NEURL4: variants seen among roughly 807,000 people sequenced by gnomAD.
NEURL4 encodes the protein neuralized E3 ubiquitin protein ligase 4.
NEURL4 carries 45 observed loss-of-function variants against 148.0 expected under a neutral mutation model. The observed-to-expected ratio is 0.30, with a 90% CI of 0.24 to 0.39. NEURL4 has a LOEUF of 0.39. Ranked by LOEUF, NEURL4 falls within the 10% of genes least tolerant of loss-of-function variation. The probability of loss-of-function intolerance (pLI) is 1.00; values close to 1 mark genes in which losing one functional copy is unlikely to be tolerated. For missense variants in NEURL4, 1,776 were observed against 2,144.0 expected, an observed-to-expected ratio of 0.83 and a Z score of 3.39; for synonymous variants, 854 against 869.0, an observed-to-expected ratio of 0.98 and a Z score of 0.30.
intron 6 of NEURL4, among the ~76,000 whole-genome samples, chr17:7,325,939 C>T (rs1214090180): frequency 1.3e-5 from 2 of 152,202 alleles, no homozygotes; most frequent in Non-Finnish European, 2.9e-5. Flanking sequence ...CTACAAGTCT[C>T]AGCCTATGGA....
chr17:7,329,203 C>T lies in NEURL4; in HGVS notation c.110G>A (p.Gly37Asp), dbSNP rs570547511. 6.4e-7 allele frequency: 1 copy of T among 1,571,308 alleles called. No homozygotes were observed. The highest frequency in any genetic ancestry group is 1.2e-5 in the South Asian group (1 of 86,904). ...GTGCAGTTCCCCGCCGCTGCCCAGA[C>T]CCCCGTTGGACCCCGGTCCTGAGCC... is the stretch of plus-strand genomic sequence containing the variant. ...GSGSGPGSNG[G>D]LGSGGELHPR... Residue 37 changes from glycine (G) to aspartate (D), a missense_variant, in exon 1 of 29, where the codon GGT (glycine) becomes GAT (aspartate). Gly to Asp is a moderately conservative substitution (Grantham distance 94). Coordinates refer to ENST00000399464, the MANE Select transcript of NEURL4 (RefSeq NM_032442.3).
Position 7,324,136 on chromosome 17 carries a change from C to T in NEURL4, c.2034G>A (p.Ala678=), listed in dbSNP as rs201542962. The T allele has an allele frequency of 3.9e-4, 631 of 1,613,442 alleles. 3 individuals are homozygous for T. In the African/African-American group the frequency reaches 7.1e-3, roughly 18 times the overall value. The change falls in exon 11 of 29, where the codon GCG becomes GCA. Residue 678 remains alanine, a synonymous_variant. Coordinates refer to ENST00000399464, the MANE Select transcript of NEURL4 (RefSeq NM_032442.3). The surrounding 1 kb of genome is among the most constrained non-coding windows in gnomAD (Gnocchi z 5.9). ...VYAVVDLYGQ[A]AQATIVDDVE... is the part of the protein sequence containing the mutation. Reference sequence around the variant, plus strand: ...CGTCGTCCACAATGGTGGCCTGGGCCGCCTGGCCATAGAGATCGACGACAG... The same window carrying T: ...CGTCGTCCACAATGGTGGCCTGGGCTGCCTGGCCATAGAGATCGACGACAG...
In NEURL4 at chr17:7,323,465, C is replaced by T; in HGVS notation, c.2417+20G>A. The T allele has an allele frequency of 1.2e-6, 2 of 1,613,762 alleles. No homozygotes were observed. The highest frequency in any genetic ancestry group is 1.7e-6 in the Non-Finnish European group (2 of 1,179,632). The stretch of plus-strand genomic sequence containing the variant: ...AGCTCCACTCAGCCCCAAGCTGGTC[C>T]CCAAAGCAGGAAGCCCAACCTCAGC... On this transcript the variant is annotated intron_variant, in intron 14 of 28. Transcript: ENST00000399464.
At position 7,329,329 on chromosome 17, in the gene NEURL4, G is replaced by A; in HGVS notation, c.-17C>T. 7.3e-7 allele frequency: 1 copy of A among 1,378,388 alleles called. No individual in the cohort carries two copies. The highest frequency in any genetic ancestry group is 9.3e-7 in the Non-Finnish European group (1 of 1,073,494). 85.4% of individuals were successfully genotyped at this position (1,378,388 alleles called of 1,614,324 possible). ...TGCCGCCATCTCCGCTGACACCGGG[G>A]CAGCGCGACAGCCGCGCTTGGCGGC... is the stretch of plus-strand genomic sequence containing the variant. On this transcript the variant is annotated 5_prime_UTR_variant, in exon 1 of 29. Transcript: ENST00000399464.
At chr17:7,328,367 C>A (rs1238909430) in intron 1 of NEURL4, among the ~76,000 whole-genome samples, 1 of 152,224 alleles carries the variant, frequency 6.6e-6, no homozygotes, top group Non-Finnish European at 1.5e-5. Flanking sequence ...TTTCTCCTCA[C>A]CTATCTTTCT....
rs768973926 is a variant in NEURL4, at chr17:7,324,852, G to A, written c.1760C>T (p.Thr587Ile). The change falls in exon 9 of 29, where the codon ACC becomes ATC. Residue 587 changes from threonine (T) to isoleucine (I), a missense_variant. Physicochemically the swap from Thr to Ile is moderately conservative, Grantham distance 89. Transcript: ENST00000399464. This position sits in a 1 kb window ranked among gnomAD's most constrained non-coding sequence, Gnocchi z 5.9. ...WAGSIEIGVT[T>I]HNPAYLQLPS... ...CAACTGGAGGTAGGCAGGGTTGTGGGTGGTGACACCAATTTCAATGGAGCC... is the reference window on the plus strand; with the variant it reads ...CAACTGGAGGTAGGCAGGGTTGTGGATGGTGACACCAATTTCAATGGAGCC... The A allele has an allele frequency of 1.9e-6, 3 of 1,614,200 alleles. No homozygotes were observed. Among genetic ancestry groups the A allele is most frequent in the East Asian group, 2.2e-5 (1 of 44,882 alleles).
chr17:7,317,972 C>T (rs1339563121), intron 25 of NEURL4, 40 bp from the exon 26 acceptor site: 4 of 1,613,580 alleles, frequency 2.5e-6, no homozygotes, highest in Non-Finnish European at 3.4e-6. Context: ...CTGTGGCTCC[C>T]ACCTCAACCA....
chr17:7,323,621 C>A, intron 13 of NEURL4, 26 bp downstream of exon 13: 4 of 1,613,684 alleles, frequency 2.5e-6, no homozygotes, highest in Non-Finnish European at 2.5e-6. Context: ...ATCCAACAGC[C>A]CCCAACACAC....
chr17:7,322,737 G>C lies in NEURL4; in HGVS notation c.2723C>G (p.Pro908Arg). 6.2e-7 allele frequency: 1 copy of C among 1,611,378 alleles called. No individual in the cohort carries two copies. Residue 908 changes from proline (P) to arginine (R), a missense_variant and splice_region_variant, in exon 16 of 29, where the codon CCA becomes CGA. Physicochemically the swap from Pro to Arg is moderately radical, Grantham distance 103. Coordinates refer to ENST00000399464, the MANE Select transcript of NEURL4 (RefSeq NM_032442.3). The surrounding 1 kb of genome is among the most constrained non-coding windows in gnomAD (Gnocchi z 5.5). ...ATEKSFPLHS[P>R]VAGVAHRFHS... The stretch of plus-strand genomic sequence containing the variant: ...CAGCCCCCGCCCTGCTGCCGCACCT[G>C]GGGAGTGCAGTGGGAAGGACTTCTC...
Position 7,325,712 on chromosome 17 carries a change from T to A in NEURL4, c.1295A>T (p.Glu432Val). The A allele has an allele frequency of 6.2e-7, 1 of 1,613,242 alleles. No individual in the cohort carries two copies. The highest frequency in any genetic ancestry group is 8.5e-7 in the Non-Finnish European group (1 of 1,179,564). Reference protein sequence around the residue: ...YCEFSLDELQEGDHIGLTRKS... With the variant: ...YCEFSLDELQVGDHIGLTRKS... The stretch of plus-strand genomic sequence containing the variant: ...CCTTGTGAGGCCAATGTGGTCACCC[T>A]CCTAATCAAAGAAGACAAACAGTTT... Residue 432 changes from glutamate to valine, a missense_variant and splice_region_variant, in exon 7 of 29, where the codon GAG becomes GTG. Transcript: ENST00000399464.
In NEURL4 at chr17:7,326,104, G is replaced by A; in HGVS notation, c.1293+151C>T. ...CAAAATCTGAGTGCTGAACTCTTGGGCAACTCAGGCTTCTAGGAAGGAACC... is the reference window on the plus strand; with the variant it reads ...CAAAATCTGAGTGCTGAACTCTTGGACAACTCAGGCTTCTAGGAAGGAACC... On this transcript the variant is annotated intron_variant, in intron 6 of 28. Coordinates refer to ENST00000399464, the MANE Select transcript of NEURL4 (RefSeq NM_032442.3). This position sits in a 1 kb window ranked among gnomAD's most constrained non-coding sequence, Gnocchi z 6.0. The A allele has an allele frequency of 1.4e-6, 1 of 709,608 alleles. No individual in the cohort carries two copies. The highest frequency in any genetic ancestry group is 2.4e-6 in the Non-Finnish European group (1 of 417,476). The allele number at this position is 709,608 out of a possible 1,614,324, so 44.0% of individuals were successfully genotyped here. A position where few individuals can be genotyped will look rare whatever the true frequency, so the allele number is the denominator to read the frequency against.
intron 21 of NEURL4, among the ~76,000 whole-genome samples, chr17:7,320,077 G>A (rs947858027): frequency 2.0e-5 from 3 of 151,790 alleles, no homozygotes; most frequent in East Asian, 1.9e-4. Context: ...TGATCTGCCC[G>A]CCTCGGCCTT....
intron 1 of NEURL4, among the ~76,000 whole-genome samples, 191 bp downstream of exon 1, chr17:7,328,840 C>T (rs915973489): frequency 6.6e-6 from 1 of 152,172 alleles, no homozygotes; most frequent in Non-Finnish European, 1.5e-5. Flanking sequence ...AAAACTCAAG[C>T]TCTTAATGTC....
chr17:7,323,503 T>C lies in NEURL4; in HGVS notation c.2399A>G (p.Tyr800Cys), dbSNP rs372999558. 1.4e-4 allele frequency: 223 copies of C among 1,614,064 alleles called. No individual in the cohort carries two copies. Among genetic ancestry groups the C allele is most frequent in the Non-Finnish European group, 1.9e-4 (220 of 1,180,012 alleles). The change falls in exon 14 of 29, where the codon TAT becomes TGT. Residue 800 changes from tyrosine (Y) to cysteine (C), a missense_variant. Physicochemically the swap from Tyr to Cys is radical, Grantham distance 194. Coordinates refer to ENST00000399464, the MANE Select transcript of NEURL4 (RefSeq NM_032442.3). ...GCCCAACCTCAGCATCCATGTGTCA[T>C]AGTCAATGTCTGTCATGGTGTTGGG... is the stretch of plus-strand genomic sequence containing the variant. ...EFPNTMTDID[Y>C]DTWMLSGTAI...
In NEURL4 at chr17:7,326,441, C is replaced by T; in HGVS notation, c.1200G>A (p.Gln400=). The T allele has an allele frequency of 6.2e-7, 1 of 1,614,006 alleles. No individual in the cohort carries two copies. Among genetic ancestry groups the T allele is most frequent in the South Asian group, 1.1e-5 (1 of 91,080 alleles). ...LEYPATMTNL[Q]SGTIMMSGCG... Reference sequence around the variant, plus strand: ...GCCCCTGCCCGGGGCTGGTACCTGACTGGAGGTTGGTCATGGTGGCTGGGT... The same window carrying T: ...GCCCCTGCCCGGGGCTGGTACCTGATTGGAGGTTGGTCATGGTGGCTGGGT... The change falls in exon 5 of 29, where the codon CAG becomes CAA. Residue 400 remains glutamine (Q), a synonymous_variant. Coordinates refer to ENST00000399464, the MANE Select transcript of NEURL4 (RefSeq NM_032442.3). This position sits in a 1 kb window ranked among gnomAD's most constrained non-coding sequence, Gnocchi z 6.0.
At chr17:7,317,661 G>A in intron 26 of NEURL4, 88 bp from the exon 27 acceptor site, 2 of 1,564,132 alleles carry the variant, frequency 1.3e-6, no homozygotes, top group South Asian at 2.2e-5. Context: ...TAGACAGGAA[G>A]TCCCTGGCAC....
Position 7,317,372 on chromosome 17 carries a change from T to G in NEURL4, c.4319-2A>C. 1 of 1,582,816 alleles carries G rather than the reference T, an allele frequency of 6.3e-7. No homozygotes were observed. Among genetic ancestry groups the G allele is most frequent in the Non-Finnish European group, 8.6e-7 (1 of 1,162,502 alleles). On this transcript the variant is annotated splice_acceptor_variant, in intron 27 of 28. Transcript: ENST00000399464. LOFTEE classifies it high-confidence loss of function. ...GGCAGCTCAGGATGGAGGCAGTACC[T>G]GGGAGGAGAACTGGGTCAGGATAGC...
rs535754753 is a variant in NEURL4, at chr17:7,323,191, CCTGT to C, written c.2418-72_2418-69del. On this transcript the variant is annotated intron_variant, in intron 14 of 28. Coordinates refer to ENST00000399464, the MANE Select transcript of NEURL4 (RefSeq NM_032442.3). ...ACTTCACATTGGCCCCTGCCCACTC[CCTGT>C]CTGTCAGAACCCTCCAATGTCTTGG... 27 of 1,523,720 alleles carry C rather than the reference CCTGT, an allele frequency of 1.8e-5. No homozygotes were observed. In the African/African-American group the frequency reaches 2.0e-4, roughly 12 times the overall value. 94.4% of individuals were successfully genotyped at this position (1,523,720 alleles called of 1,614,324 possible). A position where few individuals can be genotyped will look rare whatever the true frequency, so the allele number is the denominator to read the frequency against.
intron 28 of NEURL4, among the ~76,000 whole-genome samples, chr17:7,316,541 T>A (rs2072948089): frequency 6.6e-6 from 1 of 152,170 alleles, no homozygotes; most frequent in South Asian, 2.1e-4. Context: ...CTCGAATCTC[T>A]CCCACCTTCT....
Sources: allele counts gnomAD v4.1 joint callset (sites outside exome capture counted in the v4.1 genomes callset), GRCh38; gene constraint gnomAD v4.1.1; non-coding constraint Gnocchi (gnomAD v3.1); transcripts MANE v1.5; gene names NCBI Gene and HGNC (gene_info 2026-07-23, HGNC 2026-07-21).